Variants in THSD4 observed in about 807,000 individuals in gnomAD.
The protein encoded by THSD4 is thrombospondin type 1 domain containing 4.
THSD4 carries 69 observed loss-of-function variants against 119.0 expected under a neutral mutation model. That is an observed-to-expected ratio of 0.58 (90% CI 0.48 to 0.71). The LOEUF is 0.71. Ranked by LOEUF, THSD4 falls within the 30% of genes least tolerant of loss-of-function variation. The pLI is 0.00. For synonymous variants in THSD4, 524 were observed against 540.4 expected (o/e 0.97, Z 0.42); for missense variants, 1,393 against 1,391.1 (o/e 1.00, Z -0.02).
rs750126324 is a variant in THSD4, at chr15:71,629,919, G to A, written c.1153-30611G>A. On this transcript the variant is annotated intron_variant, in intron 7 of 17. Transcript: ENST00000261862. ...TGATGGCTTGGCTCTGGAACCCTTGGAGGCGCCTTTGTACCCGCAAGCCAC... is the reference window on the plus strand; with the variant it reads ...TGATGGCTTGGCTCTGGAACCCTTGAAGGCGCCTTTGTACCCGCAAGCCAC... 1.9e-4 allele frequency among the ~76,000 whole-genome samples: 29 copies of A among 152,136 alleles called. 1 individual carries two copies. Among genetic ancestry groups the A allele is most frequent in the Middle Eastern group, 3.2e-3 (1 of 316 alleles).
At position 71,716,615 on chromosome 15, in the gene THSD4, CA is replaced by C. The variant is rs1259660953; in HGVS notation, c.1358-11933del. 3.2e-5 allele frequency among the ~76,000 whole-genome samples: 4 copies of C among 126,010 alleles called. No homozygotes were observed. In the East Asian group the frequency reaches 8.4e-4, roughly 27 times the overall value. 82.7% of individuals were successfully genotyped at this position (126,010 alleles called of 152,430 possible). Reference sequence around the variant, plus strand: ...GTTTTTTTTTTTGTAGTCTAATGACCAGTGCTTTAGATCATAGCTGACTGTA... The same window carrying C: ...GTTTTTTTTTTTGTAGTCTAATGACCGTGCTTTAGATCATAGCTGACTGTA... On this transcript the variant is annotated intron_variant, in intron 8 of 17. Transcript: ENST00000261862.
At chr15:71,099,940 GGT>G (rs1475566299) in intron 1 of THSD4, among the ~76,000 whole-genome samples, 7 of 152,168 alleles carry the variant, frequency 4.6e-5, no homozygotes, top group African/African-American at 1.7e-4. Context: ...ATCCGGCCTG[GGT>G]GACAGTTTTC....
At chr15:71,100,644 A>G (rs973642057) in intron 1 of THSD4, among the ~76,000 whole-genome samples, 4 of 152,172 alleles carry the variant, frequency 2.6e-5, no homozygotes, top group African/African-American at 9.6e-5. Flanking sequence ...ACAGATATCT[A>G]ATATTTATAT....
intron 4 of THSD4, among the ~76,000 whole-genome samples, chr15:71,227,984 T>C (rs917725825): frequency 2.0e-5 from 3 of 152,170 alleles, no homozygotes; most frequent in Non-Finnish European, 4.4e-5. Context: ...CTGATGTTTG[T>C]CGATGGTTTC....
chr15:71,164,613 C>T lies in THSD4; in HGVS notation c.99+9681C>T, dbSNP rs557123092. On this transcript the variant is annotated intron_variant, in intron 3 of 17. Transcript: ENST00000261862. ...GGACAGGGCTATCTAAAGACACATTCGGTAGTGTGTTAACTATACAAAAAA... is the reference window on the plus strand; with the variant it reads ...GGACAGGGCTATCTAAAGACACATTTGGTAGTGTGTTAACTATACAAAAAA... Among the ~76,000 whole-genome samples the T allele has an allele frequency of 9.4e-3, 1,424 of 152,092 alleles. 12 individuals carry two copies. Among genetic ancestry groups the T allele is most frequent in the Middle Eastern group, 0.071 (21 of 294 alleles).
intron 7 of THSD4, among the ~76,000 whole-genome samples, chr15:71,635,858 A>G (rs1327755562): frequency 1.3e-5 from 2 of 152,166 alleles, no homozygotes; most frequent in African/African-American, 4.8e-5. Context: ...ACTCTTGAAA[A>G]CTTAGATGTT....
At chr15:71,371,939 T>C (rs1596376082) in intron 6 of THSD4, among the ~76,000 whole-genome samples, 1 of 152,250 alleles carries the variant, frequency 6.6e-6, no homozygotes, top group Non-Finnish European at 1.5e-5. Context: ...ATCTGGTCTT[T>C]TCACATAGTC....
At chr15:71,163,648 A>G (rs2043266204) in intron 3 of THSD4, among the ~76,000 whole-genome samples, 1 of 151,888 alleles carries the variant, frequency 6.6e-6, no homozygotes, top group African/African-American at 2.4e-5. Flanking sequence ...GTAATATAGG[A>G]AAATATACCC....
chr15:71,291,553 G>A (rs1052055362), intron 6 of THSD4, among the ~76,000 whole-genome samples: 7 of 152,162 alleles, frequency 4.6e-5, no homozygotes, highest in East Asian at 3.9e-4. Flanking sequence ...GGGAGGGTCA[G>A]CCTTTTTGTT....
intron 7 of THSD4, among the ~76,000 whole-genome samples, chr15:71,429,067 G>A (rs2140529238): frequency 6.6e-6 from 1 of 152,186 alleles, no homozygotes; most frequent in East Asian, 1.9e-4. Flanking sequence ...CAGTCATGCT[G>A]CTGTAGGGGC....
At chr15:71,375,826 C>T (rs1429118217) in intron 6 of THSD4, among the ~76,000 whole-genome samples, 1 of 152,184 alleles carries the variant, frequency 6.6e-6, no homozygotes, top group African/African-American at 2.4e-5. Context: ...TTGCATTCCA[C>T]ACCTACTAAA....
At chr15:71,111,034 C>G (rs555345559), upstream of THSD4, 22 of 1,210,254 alleles carry the variant, frequency 1.8e-5, no homozygotes, top group Admixed American at 1.8e-4. Flanking sequence ...GAAGCAGCCT[C>G]GGATCCGGGT....
At position 71,663,758 on chromosome 15, in the gene THSD4, C is replaced by T. The variant is rs2051358924; in HGVS notation, c.1357+3024C>T. Among the ~76,000 whole-genome samples, 3 of 152,244 alleles carry T rather than the reference C, an allele frequency of 2.0e-5. 1 individual carries two copies. The South Asian group carries it at 6.2e-4, about 32-fold the overall frequency. ...CATTGTACATTGTCAAACACTGAAA[C>T]CTTTTTCAAAGAGATATGTGGTAGG... is the stretch of plus-strand genomic sequence containing the variant. On this transcript the variant is annotated intron_variant, in intron 8 of 17. Transcript: ENST00000261862.
At chr15:71,706,883 G>A (rs139667405) in intron 8 of THSD4, among the ~76,000 whole-genome samples, 9 of 152,322 alleles carry the variant, frequency 5.9e-5, no homozygotes, top group South Asian at 2.1e-4. Context: ...GAGGCAAGAC[G>A]TGGTTTGTCT....
intron 7 of THSD4, among the ~76,000 whole-genome samples, chr15:71,501,134 C>T (rs1002498763): frequency 6.6e-6 from 1 of 151,992 alleles, no homozygotes; most frequent in African/African-American, 2.4e-5. Flanking sequence ...CCGTCCAGCG[C>T]AATTCTTTAT....
chr15:71,199,907 CATGTGTGGG>C lies in THSD4; in HGVS notation c.100-15127_100-15119del, dbSNP rs2043784412. ...GCATGTGTGGTATGTGTGTGTGGTG[CATGTGTGGG>C]GTGTGTGTGTGTGTGTGTGTATGGC... On this transcript the variant is annotated intron_variant, in intron 3 of 17. Coordinates refer to ENST00000261862, the MANE Select transcript of THSD4 (RefSeq NM_024817.3). Among the ~76,000 whole-genome samples, 4 of 43,848 alleles carry C rather than the reference CATGTGTGGG, an allele frequency of 9.1e-5. No individual in the cohort carries two copies. The South Asian group carries it at 2.4e-3, about 27-fold the overall frequency. The allele number at this position is 43,848 out of a possible 152,430, so 28.8% of individuals were successfully genotyped here.
Position 71,737,803 on chromosome 15 carries a change from G to A in THSD4, c.1702G>A (p.Glu568Lys), listed in dbSNP as rs185781006. 2.8e-4 allele frequency: 453 copies of A among 1,614,260 alleles called. 1 individual carries two copies. In the African/African-American group the frequency reaches 3.8e-3, roughly 14 times the overall value. Residue 568 changes from glutamate (E) to lysine (K), a missense_variant, in exon 11 of 18, where the codon GAG (glutamate) becomes AAG (lysine). Glu to Lys is a moderately conservative substitution (Grantham distance 56, BLOSUM62 1). Coordinates refer to ENST00000261862, the MANE Select transcript of THSD4 (RefSeq NM_024817.3). ...GGAGGGAGAACAGAAAGGGAGGAAC[G>A]AGGAGAAGGAAGACTTGCGTGGGGA... ...QEEGEQKGRN[E>K]EKEDLRGEAP...
intron 7 of THSD4, among the ~76,000 whole-genome samples, chr15:71,594,221 T>C (rs895733266): frequency 2.6e-5 from 4 of 151,888 alleles, no homozygotes; most frequent in African/African-American, 9.7e-5. Flanking sequence ...CTTTTTTTTT[T>C]TTTTCCTGAG....
At chr15:71,726,560 A>C (rs2052842409) in intron 8 of THSD4, among the ~76,000 whole-genome samples, 1 of 152,220 alleles carries the variant, frequency 6.6e-6, no homozygotes, top group African/African-American at 2.4e-5. Context: ...AACAAATTAT[A>C]AAAAGTTAAA....
Sources: gnomAD v4.1 joint callset for allele counts (sites outside exome capture counted in the v4.1 genomes callset) on GRCh38, gnomAD v4.1.1 for gene constraint, MANE v1.5 for transcripts, NCBI Gene and HGNC (gene_info 2026-07-23, HGNC 2026-07-21) for gene names.